SCARB2: variants seen among roughly 807,000 people sequenced by gnomAD.
The protein encoded by SCARB2 is lysosome membrane protein 2.
Under a neutral mutation model 58.6 loss-of-function variants are expected in SCARB2, and 29 were observed. The observed-to-expected ratio is 0.49, with a 90% CI of 0.37 to 0.67. The LOEUF is 0.67. Among genes scored for constraint, SCARB2 ranks in the 30% least tolerant of loss-of-function variants. SCARB2 has a pLI of 0.00. For missense variants in SCARB2, 488 were observed against 578.5 expected, an observed-to-expected ratio of 0.84 and a Z score of 1.60; for synonymous variants, 195 against 210.1, an observed-to-expected ratio of 0.93 and a Z score of 0.62.
chr4:76,171,268 C>G (rs77767843), intron 7 of SCARB2, among the ~76,000 whole-genome samples: 2,878 of 152,180 alleles, frequency 0.019, 80 homozygotes, highest in African/African-American at 0.066. Flanking sequence ...CTGTTGAGGG[C>G]TTAATAGGGG....
chr4:76,169,838 T>C, intron 8 of SCARB2, 29 bp downstream of exon 8: 8 of 1,514,072 alleles, frequency 5.3e-6, no homozygotes, highest in African/African-American at 4.1e-5. Flanking sequence ...AAACATATGC[T>C]CTTTTACCAG....
At chr4:76,178,746 A>G (rs1470192) in intron 4 of SCARB2, among the ~76,000 whole-genome samples, 16,479 of 152,164 alleles carry the variant, frequency 0.11, 1,114 homozygotes, top group East Asian at 0.21. Context: ...TCTCTCACAC[A>G]TATAATTTTT....
intron 2 of SCARB2, among the ~76,000 whole-genome samples, chr4:76,187,607 ATGTATATTT>A (rs1439941313): frequency 1.3e-5 from 2 of 152,224 alleles, no homozygotes; most frequent in African/African-American, 4.8e-5. Context: ...AATAAAAAAT[ATGTATATTT>A]TGTATATGTA....
In SCARB2 at chr4:76,160,298, T is replaced by C. The variant is rs1256609054; in HGVS notation, c.*1415A>G. 1 of 152,344 alleles carries C rather than the reference T, an allele frequency of 6.6e-6. No homozygotes were observed. Among genetic ancestry groups the C allele is most frequent in the African/African-American group, 2.4e-5 (1 of 41,578 alleles). The allele number at this position is 152,344 out of a possible 1,614,324, so 9.4% of individuals were successfully genotyped here. The stretch of plus-strand genomic sequence containing the variant: ...TTGAATGGTTCAGTTGTTAAGAAAT[T>C]CTATAAGCACTTTGTCAGCTAAATG... On this transcript the variant is annotated 3_prime_UTR_variant, in exon 12 of 12. Transcript: ENST00000264896.
chr4:76,233,792 T>A (rs1247491924), intron 1 of SCARB2, among the ~76,000 whole-genome samples: 1 of 152,056 alleles, frequency 6.6e-6, no homozygotes, highest in Non-Finnish European at 1.5e-5. Flanking sequence ...GCCCCCAATA[T>A]GTAAAACCAG....
chr4:76,233,956 A>G (rs766015303), intron 1 of SCARB2, among the ~76,000 whole-genome samples: 3 of 152,254 alleles, frequency 2.0e-5, no homozygotes, highest in Non-Finnish European at 4.4e-5. Context: ...AAAAAAGTTT[A>G]AAAAATGCCT....
chr4:76,233,762 A>C (rs548726033), intron 1 of SCARB2, among the ~76,000 whole-genome samples: 31 of 152,310 alleles, frequency 2.0e-4, no homozygotes, highest in Non-Finnish European at 4.0e-4. Flanking sequence ...ACAAAGCCCT[A>C]TCAAGCAGTT....
At chr4:76,166,963 A>G (rs1732021949) in intron 9 of SCARB2, 1 of 152,666 alleles carries the variant, frequency 6.6e-6, no homozygotes, top group Non-Finnish European at 1.5e-5. Flanking sequence ...ACCTGGTATT[A>G]AATCTGGCAA....
intron 1 of SCARB2, among the ~76,000 whole-genome samples, chr4:76,211,200 T>G (rs933275558): frequency 4.6e-5 from 7 of 152,174 alleles, no homozygotes; most frequent in African/African-American, 1.4e-4. Flanking sequence ...AAAGAAAATT[T>G]GGGATATAGA....
chr4:76,222,426 C>T (rs1295212444), intron 1 of SCARB2, among the ~76,000 whole-genome samples: 1 of 152,152 alleles, frequency 6.6e-6, no homozygotes, highest in Non-Finnish European at 1.5e-5. Context: ...CGGGGTTTCA[C>T]CATGTTGGCC....
chr4:76,231,663 C>T (rs4859435), intron 1 of SCARB2, among the ~76,000 whole-genome samples: 50,397 of 152,070 alleles, frequency 0.33, 9,149 homozygotes, highest in East Asian at 0.77. Context: ...GGATTGGCTT[C>T]GATGGAAGTT....
At chr4:76,221,185 T>C (rs1025767252) in intron 1 of SCARB2, among the ~76,000 whole-genome samples, 1 of 152,230 alleles carries the variant, frequency 6.6e-6, no homozygotes, top group African/African-American at 2.4e-5. Context: ...GGCTTTCTCC[T>C]CTGGAACCGA....
At chr4:76,213,149 G>A in intron 1 of SCARB2, 1 of 445,970 alleles carries the variant, frequency 2.2e-6, no homozygotes. Context: ...GACGGAAGGA[G>A]TGGGGAGAGA....
intron 1 of SCARB2, among the ~76,000 whole-genome samples, chr4:76,197,220 C>G (rs1450269145): frequency 6.6e-6 from 1 of 152,224 alleles, no homozygotes; most frequent in Non-Finnish European, 1.5e-5. Flanking sequence ...TACACCATGA[C>G]TCCCCTAAGG....
At chr4:76,218,466 ACT>A (rs756548946), upstream of SCARB2, among the ~76,000 whole-genome samples, 6 of 152,074 alleles carry the variant, frequency 3.9e-5, no homozygotes, top group African/African-American at 9.7e-5. Context: ...GGCCACAGGG[ACT>A]CTCTGTGAAG....
chr4:76,221,784 T>G (rs1363734310), intron 1 of SCARB2, among the ~76,000 whole-genome samples: 1 of 152,164 alleles, frequency 6.6e-6, no homozygotes, highest in Non-Finnish European at 1.5e-5. Context: ...GAGTATAGGT[T>G]GAAAACCTAC....
intron 2 of SCARB2, chr4:76,194,539 G>A (rs757527404): frequency 1.3e-5 from 2 of 152,140 alleles, no homozygotes; most frequent in Non-Finnish European, 1.5e-5. Context: ...GCAGGAACTA[G>A]GATTTTTATC....
intron 11 of SCARB2, chr4:76,162,455 T>C (rs1731918639): frequency 6.5e-6 from 1 of 153,090 alleles, no homozygotes; most frequent in Admixed American, 6.5e-5. Context: ...GAAGGGCTTC[T>C]ACAGAAAAGG....
At position 76,163,230 on chromosome 4, in the gene SCARB2, C is replaced by T. The variant is rs1238888097; in HGVS notation, c.1393G>A (p.Asp465Asn). 3 of 1,614,186 alleles carry T rather than the reference C, an allele frequency of 1.9e-6. No individual in the cohort carries two copies. The highest frequency in any genetic ancestry group is 2.5e-6 in the Non-Finnish European group (3 of 1,180,026). ...TTCCTTCAGCCAGTTCTCACCTCAT[C>T]CATGGATCCCTGTCCTTTGCATGCA... ...WLACKGQGSM[D>N]EGTADERAPL... Residue 465 changes from aspartate (D) to asparagine (N), a missense_variant, in exon 11 of 12, where the codon GAT (aspartate) becomes AAT (asparagine). Asp to Asn is a conservative substitution (Grantham distance 23). Coordinates refer to ENST00000264896, the MANE Select transcript of SCARB2 (RefSeq NM_005506.4).
Sources: gnomAD v4.1 joint callset for allele counts (sites outside exome capture counted in the v4.1 genomes callset) on GRCh38, gnomAD v4.1.1 for gene constraint, MANE v1.5 for transcripts, NCBI Gene and HGNC (gene_info 2026-07-23, HGNC 2026-07-21) for gene names.